The following TGS1 variants were observed in gnomAD, a reference collection of about 807,000 sequenced individuals.
The protein encoded by TGS1 is trimethylguanosine synthase.
Under a neutral mutation model 92.2 loss-of-function variants are expected in TGS1, and 69 were observed. The observed-to-expected ratio is 0.75, with a 90% CI of 0.62 to 0.91. The LOEUF is 0.91. Ranked by LOEUF, TGS1 falls within the 40% of genes least tolerant of loss-of-function variation. The pLI is 0.00. For synonymous variants in TGS1, 345 were observed against 338.1 expected (o/e 1.02, Z -0.22); for missense variants, 1,062 against 1,001.2 (o/e 1.06, Z -0.82).
chr8:55,810,523 C>T (rs1803310443), intron 10 of TGS1, among the ~76,000 whole-genome samples: 1 of 152,186 alleles, frequency 6.6e-6, no homozygotes, highest in African/African-American at 2.4e-5. Context: ...TACAGGCTGT[C>T]CATACAGTCA....
chr8:55,804,142 T>A (rs1812296835), intron 9 of TGS1, among the ~76,000 whole-genome samples: 1 of 152,124 alleles, frequency 6.6e-6, no homozygotes, highest in Non-Finnish European at 1.5e-5. Context: ...TCCGACCCTT[T>A]AAAAGCATGC....
At chr8:55,815,502 A>G (rs1361203060) in intron 12 of TGS1, among the ~76,000 whole-genome samples, 1 of 152,218 alleles carries the variant, frequency 6.6e-6, no homozygotes. Flanking sequence ...TTAGAATGTT[A>G]CAACAACCTG....
At chr8:55,776,028 A>C (rs1489914744) in intron 1 of TGS1, among the ~76,000 whole-genome samples, 1 of 152,154 alleles carries the variant, frequency 6.6e-6, no homozygotes, top group African/African-American at 2.4e-5. Flanking sequence ...GAAGAACCGC[A>C]GACAAAACCC....
intron 1 of TGS1, among the ~76,000 whole-genome samples, chr8:55,779,513 T>G (rs1247919635): frequency 6.6e-6 from 1 of 152,124 alleles, no homozygotes; most frequent in Non-Finnish European, 1.5e-5. Context: ...AAAAGCTCAC[T>G]AGAAAAAAAT....
At chr8:55,823,178 A>G (rs62516863) in intron 12 of TGS1, among the ~76,000 whole-genome samples, 20,810 of 152,154 alleles carry the variant, frequency 0.14, 1,558 homozygotes, top group African/African-American at 0.19. Flanking sequence ...CGTATTTGCT[A>G]TTTAAAAGAT....
At chr8:55,777,034 G>A (rs547700594) in intron 1 of TGS1, among the ~76,000 whole-genome samples, 11 of 151,836 alleles carry the variant, frequency 7.2e-5, no homozygotes, top group African/African-American at 2.4e-4. Context: ...TTGAGACTGG[G>A]TCTCACTTTG....
chr8:55,809,533 T>C (rs1803284267), intron 10 of TGS1, among the ~76,000 whole-genome samples: 1 of 151,932 alleles, frequency 6.6e-6, no homozygotes, highest in South Asian at 2.1e-4. Flanking sequence ...CAGTCTCAGC[T>C]CACTGCAATC....
chr8:55,810,037 T>C (rs980325623), intron 10 of TGS1, among the ~76,000 whole-genome samples: 3 of 152,280 alleles, frequency 2.0e-5, no homozygotes, highest in Admixed American at 1.3e-4. Flanking sequence ...TTGGTGCTTA[T>C]ATTTATTGTT....
intron 1 of TGS1, among the ~76,000 whole-genome samples, chr8:55,777,906 T>TAA (rs879679272): frequency 0.062 from 9,471 of 151,732 alleles, 360 homozygotes; most frequent in African/African-American, 0.1. Flanking sequence ...ATTTAAATTT[T>TAA]TTTTTTTTTT....
intron 12 of TGS1, 152 bp from the exon 13 acceptor site, chr8:55,824,429 C>G: frequency 1.1e-6 from 1 of 923,660 alleles, no homozygotes; most frequent in South Asian, 1.7e-5. Flanking sequence ...TGCATCGATG[C>G]CTGGGAAGTA....
intron 2 of TGS1, among the ~76,000 whole-genome samples, chr8:55,784,998 G>A (rs960844184): frequency 6.6e-6 from 1 of 151,598 alleles, no homozygotes. Flanking sequence ...TGATTCTTCC[G>A]TTGATTCTTC....
chr8:55,815,871 G>GGT (rs1803458691), intron 12 of TGS1, among the ~76,000 whole-genome samples: 1 of 151,658 alleles, frequency 6.6e-6, no homozygotes, highest in Non-Finnish European at 1.5e-5. Context: ...TTGGAGGTAA[G>GGT]GTATATACCT....
In TGS1 at chr8:55,819,312, T is replaced by G. The variant is rs1803569281; in HGVS notation, c.2440-5269T>G. Among the ~76,000 whole-genome samples, 3 of 91,256 alleles carry G rather than the reference T, an allele frequency of 3.3e-5. No individual in the cohort carries two copies. The South Asian group carries it at 1.2e-3, about 35-fold the overall frequency. The allele number at this position is 91,256 out of a possible 152,430, so 59.9% of individuals were successfully genotyped here. On this transcript the variant is annotated intron_variant, in intron 12 of 12. Coordinates refer to ENST00000260129, the MANE Select transcript of TGS1 (RefSeq NM_024831.8). ...GATTTTTTTTTTTTTTTTTTTTTTT[T>G]TGAGATGGAGTTTTGCTCTTGTTGC...
At position 55,825,338 on chromosome 8, in the gene TGS1, A is replaced by C. The variant is rs1803764772; in HGVS notation, c.*635A>C. 6.6e-6 allele frequency: 1 copy of C among 152,170 alleles called. No homozygotes were observed. Among genetic ancestry groups the C allele is most frequent in the African/African-American group, 2.4e-5 (1 of 41,432 alleles). The allele number at this position is 152,170 out of a possible 1,614,324, so 9.4% of individuals were successfully genotyped here. A position where few individuals can be genotyped will look rare whatever the true frequency, so the allele number is the denominator to read the frequency against. On this transcript the variant is annotated 3_prime_UTR_variant, in exon 13 of 13. Transcript: ENST00000260129. ...TTGCTTCATCTGGAATTGGCTTAAC[A>C]CCCTTTTATAAAGTTTGTGTTTGTA...
intron 2 of TGS1, among the ~76,000 whole-genome samples, chr8:55,784,369 TGA>T (rs974511273): frequency 6.6e-6 from 1 of 151,868 alleles, no homozygotes; most frequent in South Asian, 2.1e-4. Flanking sequence ...TTTCTCTTTT[TGA>T]GAGAGAGAGA....
At position 55,824,850 on chromosome 8, in the gene TGS1, A is replaced by C; in HGVS notation, c.*147A>C. 12 of 826,202 alleles carry C rather than the reference A, an allele frequency of 1.5e-5. No homozygotes were observed. Among genetic ancestry groups the C allele is most frequent in the South Asian group, 3.9e-5 (2 of 51,510 alleles). 51.2% of individuals were successfully genotyped at this position (826,202 alleles called of 1,614,324 possible). On this transcript the variant is annotated 3_prime_UTR_variant, in exon 13 of 13. Coordinates refer to ENST00000260129, the MANE Select transcript of TGS1 (RefSeq NM_024831.8). ...TGGAAACTTACAGGACTTAAATATC[A>C]GTGAAATATTTTGAGATCTTTGAAT...
chr8:55,800,500 A>G (rs964112661), intron 8 of TGS1, among the ~76,000 whole-genome samples: 4 of 152,220 alleles, frequency 2.6e-5, no homozygotes, highest in South Asian at 2.1e-4. Flanking sequence ...TCCCACTTCC[A>G]TAAACACCAA....
rs3058135 is a variant in TGS1 at position 55,790,966 on chromosome 8, T to TTCTCTCTC, written c.1280+682_1280+689dup. Among the ~76,000 whole-genome samples the TTCTCTCTC allele has an allele frequency of 3.1e-4, 47 of 149,578 alleles. No homozygotes were observed. In the South Asian group the frequency reaches 3.6e-3, roughly 11 times the overall value. On this transcript the variant is annotated intron_variant, in intron 5 of 12. Transcript: ENST00000260129. ...TTTAACTAATAATTAAATTCATATC[T>TTCTCTCTC]TCTCTCTCTCTCTCTCTCTCTCACC...
intron 4 of TGS1, among the ~76,000 whole-genome samples, chr8:55,788,416 A>G (rs1436851416): frequency 6.8e-6 from 1 of 146,826 alleles, no homozygotes; most frequent in African/African-American, 2.5e-5. Context: ...TCAGTATAAT[A>G]TTCTCATTCC....
Sources: allele counts gnomAD v4.1 joint callset (sites outside exome capture counted in the v4.1 genomes callset), GRCh38; gene constraint gnomAD v4.1.1; transcripts MANE v1.5; gene names NCBI Gene and HGNC (gene_info 2026-07-23, HGNC 2026-07-21).